ESYT2: variants seen among roughly 807,000 people sequenced by gnomAD.
The protein encoded by ESYT2 is extended synaptotagmin 2.
In ESYT2, 54 loss-of-function variants were observed where a neutral mutation model predicts 107.2. The ratio of observed to expected loss-of-function variants is 0.50; its 90% CI spans 0.40 to 0.63. ESYT2 has a LOEUF of 0.63. Among genes scored for constraint, ESYT2 ranks in the 30% least tolerant of loss-of-function variants. The probability of loss-of-function intolerance (pLI) is 0.00; values close to 1 mark genes in which losing one functional copy is unlikely to be tolerated. For missense variants in ESYT2, 1,020 were observed against 1,094.5 expected (o/e 0.93, Z 0.96); for synonymous variants, 491 against 434.1 (o/e 1.13, Z -1.63).
intron 6 of ESYT2, among the ~76,000 whole-genome samples, chr7:158,776,050 T>G (rs1180356947): frequency 6.6e-6 from 1 of 152,246 alleles, no homozygotes; most frequent in Non-Finnish European, 1.5e-5. Flanking sequence ...GGTGCACTGC[T>G]GATGAGCAGT....
chr7:158,743,933 G>T, intron 16 of ESYT2: 1 of 328,024 alleles, frequency 3.0e-6, no homozygotes, highest in Non-Finnish European at 5.6e-6. Flanking sequence ...AATTAGTTGG[G>T]CATGGTGGCG....
chr7:158,740,773 T>A (rs1182607681), intron 18 of ESYT2, among the ~76,000 whole-genome samples: 1 of 152,076 alleles, frequency 6.6e-6, no homozygotes, highest in East Asian at 1.9e-4. Context: ...AAAAAGTGAG[T>A]GTGGCTCAGA....
rs1457060699 is a variant in ESYT2 at position 158,763,142 on chromosome 7, T to G, written c.1125A>C (p.Gly375=). The change falls in exon 10 of 23, where the codon GGA becomes GGC. Residue 375 remains glycine, a synonymous_variant. Coordinates refer to ENST00000275418, the MANE Select transcript of ESYT2 (RefSeq NM_001367773.1). ...CAAAGAGCTCAATCTCTAATTCTTG[T>G]CCAGGATGTTCATACACTAAAGCCT... ...VYEALVYEHP[G]QELEIELFDE... is the part of the protein sequence containing the mutation. 1 of 1,613,122 alleles carries G rather than the reference T, an allele frequency of 6.2e-7. No individual in the cohort carries two copies. Among genetic ancestry groups the G allele is most frequent in the African/African-American group, 1.3e-5 (1 of 75,036 alleles).
rs776507465 is a variant in ESYT2, at chr7:158,749,638, G to A, written c.1557+11C>T. Reference sequence around the variant, plus strand: ...CAGGCACCAAGGCTGAGTCCAGGGCGAGCACCTTACCTTGCTCTCCTGGGC... The same window carrying A: ...CAGGCACCAAGGCTGAGTCCAGGGCAAGCACCTTACCTTGCTCTCCTGGGC... On this transcript the variant is annotated intron_variant, in intron 15 of 22. Transcript: ENST00000275418. The A allele has an allele frequency of 8.1e-6, 13 of 1,613,530 alleles. No individual in the cohort carries two copies. Among genetic ancestry groups the A allele is most frequent in the African/African-American group, 4.0e-5 (3 of 74,878 alleles).
intron 18 of ESYT2, among the ~76,000 whole-genome samples, chr7:158,740,788 G>A (rs1320262908): frequency 2.0e-5 from 3 of 152,140 alleles, no homozygotes; most frequent in Non-Finnish European, 2.9e-5. Context: ...CTCAGAGGAG[G>A]GCGGCTGTGC....
At chr7:158,765,653 T>C (rs1324932913) in intron 8 of ESYT2, among the ~76,000 whole-genome samples, 1 of 152,096 alleles carries the variant, frequency 6.6e-6, no homozygotes, top group African/African-American at 2.4e-5. Context: ...TGAGAATCCC[T>C]TGAACCCAGG....
At chr7:158,793,397 T>C (rs974244376) in intron 4 of ESYT2, among the ~76,000 whole-genome samples, 30 of 152,134 alleles carry the variant, frequency 2.0e-4, no homozygotes, top group Non-Finnish European at 1.0e-4. Flanking sequence ...ATAAAGAATA[T>C]TGGTCCATAG....
chr7:158,802,249 G>A (rs1563029868), intron 1 of ESYT2, among the ~76,000 whole-genome samples: 2 of 152,080 alleles, frequency 1.3e-5, no homozygotes, highest in African/African-American at 2.4e-5. Context: ...ACTTGCACAG[G>A]ATTTTATTGT....
chr7:158,773,825 C>A (rs986165635), intron 6 of ESYT2, among the ~76,000 whole-genome samples: 14 of 152,110 alleles, frequency 9.2e-5, no homozygotes, highest in African/African-American at 3.4e-4. Context: ...ACCTACCTGC[C>A]CTCCAAAAAT....
chr7:158,801,239 C>T (rs1007707305), intron 1 of ESYT2, among the ~76,000 whole-genome samples: 2 of 151,904 alleles, frequency 1.3e-5, no homozygotes, highest in African/African-American at 4.8e-5. Context: ...AGTGAACTGG[C>T]TTGTATTAGA....
At chr7:158,792,373 A>C (rs7802639) in intron 4 of ESYT2, among the ~76,000 whole-genome samples, 38,225 of 150,432 alleles carry the variant, frequency 0.25, 6,032 homozygotes, top group East Asian at 0.54. Flanking sequence ...AAAAAAAATA[A>C]AAAAATTAGC....
chr7:158,744,513 T>G (rs570038288), intron 16 of ESYT2, among the ~76,000 whole-genome samples: 2 of 152,198 alleles, frequency 1.3e-5, no homozygotes, highest in African/African-American at 4.8e-5. Context: ...TTAAAGAAAA[T>G]TTACAGCAAG....
intron 1 of ESYT2, among the ~76,000 whole-genome samples, chr7:158,825,532 A>G (rs1467198577): frequency 6.6e-6 from 1 of 152,240 alleles, no homozygotes; most frequent in African/African-American, 2.4e-5. Flanking sequence ...AAACTTACAG[A>G]ATTATCACAG....
At position 158,734,309 on chromosome 7, in the gene ESYT2, C is replaced by G. The variant is rs1196166729; in HGVS notation, c.2556-57G>C. The stretch of plus-strand genomic sequence containing the variant: ...GGATACAGGACCAAGTAGGAAAAGC[C>G]TATCAGATACGTGTCGGGTTCCACC... On this transcript the variant is annotated intron_variant, in intron 22 of 22. Coordinates refer to ENST00000275418, the MANE Select transcript of ESYT2 (RefSeq NM_001367773.1). 23 of 1,613,254 alleles carry G rather than the reference C, an allele frequency of 1.4e-5. No homozygotes were observed. In the South Asian group the frequency reaches 2.5e-4, roughly 18 times the overall value.
At chr7:158,754,391 T>C (rs2129471877) in intron 13 of ESYT2, among the ~76,000 whole-genome samples, 1 of 152,016 alleles carries the variant, frequency 6.6e-6, no homozygotes, top group South Asian at 2.1e-4. Context: ...TATTTTTTTT[T>C]TACTAGAGAT....
chr7:158,749,679 C>T lies in ESYT2; in HGVS notation c.1527G>A (p.Met509Ile). 6.2e-7 allele frequency: 1 copy of T among 1,614,110 alleles called. No individual in the cohort carries two copies. The highest frequency in any genetic ancestry group is 8.5e-7 in the Non-Finnish European group (1 of 1,180,012). Residue 509 changes from methionine (M) to isoleucine (I), a missense_variant, in exon 15 of 23, where the codon ATG becomes ATA. Coordinates refer to ENST00000275418, the MANE Select transcript of ESYT2 (RefSeq NM_001367773.1). Reference sequence around the variant, plus strand: ...TCTCCTGGGCCTTGTGCCCAACTGACATCTGGACAACAGGATTTGGGTTGC... The same window carrying T: ...TCTCCTGGGCCTTGTGCCCAACTGATATCTGGACAACAGGATTTGGGTTGC... ...ISSNPNPVVQ[M>I]SVGHKAQESK...
At chr7:158,827,248 A>C (rs1025568682) in intron 1 of ESYT2, among the ~76,000 whole-genome samples, 3 of 152,150 alleles carry the variant, frequency 2.0e-5, no homozygotes, top group African/African-American at 7.2e-5. Context: ...CCAATAACCA[A>C]GTATCTATGA....
At chr7:158,777,621 A>G (rs527964709) in intron 6 of ESYT2, among the ~76,000 whole-genome samples, 1 of 152,278 alleles carries the variant, frequency 6.6e-6, no homozygotes, top group Admixed American at 6.5e-5. Flanking sequence ...AGGCCTCCCC[A>G]GACATGCAGA....
At chr7:158,749,610 C>T (rs373662181) in intron 15 of ESYT2, 39 bp downstream of exon 15, 396 of 1,602,574 alleles carry the variant, frequency 2.5e-4, no homozygotes, top group Non-Finnish European at 3.2e-4. Context: ...AGCGCCCGCA[C>T]GACAGGCACC....
Sources: allele counts gnomAD v4.1 joint callset (sites outside exome capture counted in the v4.1 genomes callset), GRCh38; gene constraint gnomAD v4.1.1; transcripts MANE v1.5; gene names NCBI Gene and HGNC (gene_info 2026-07-23, HGNC 2026-07-21).